GSE1: variants seen among roughly 807,000 people sequenced by gnomAD.
The protein encoded by GSE1 is Gse1 coiled-coil protein.
Under a neutral mutation model 112.6 loss-of-function variants are expected in GSE1, and 32 were observed. The observed-to-expected ratio is 0.28, with a 90% CI of 0.21 to 0.38. The LOEUF is 0.38. Ranked by LOEUF, GSE1 falls within the 10% of genes least tolerant of loss-of-function variation. GSE1 has a pLI of 1.00. For synonymous variants in GSE1, 1,115 were observed against 735.6 expected (o/e 1.52, Z -8.35); for missense variants, 2,348 against 1,699.2 (o/e 1.38, Z -6.71).
At chr16:85,478,983 CCTTCCTTCCTT>C (rs2050587599) in intron 2 of GSE1, among the ~76,000 whole-genome samples, 1 of 129,260 alleles carries the variant, frequency 7.7e-6, no homozygotes, top group African/African-American at 3.1e-5. Context: ...TTCCTTCCTT[CCTTCCTTCCTT>C]CTTTCCCTCC....
chr16:85,368,688 G>C (rs2047235505), intron 2 of GSE1, among the ~76,000 whole-genome samples: 1 of 152,194 alleles, frequency 6.6e-6, no homozygotes, highest in Admixed American at 6.5e-5. Flanking sequence ...CTGAGTGACA[G>C]AGTGAGACCC....
At chr16:85,308,017 G>A (rs987344839) in intron 1 of GSE1, among the ~76,000 whole-genome samples, 2 of 152,210 alleles carry the variant, frequency 1.3e-5, no homozygotes, top group African/African-American at 4.8e-5. Context: ...ATTTCCCTCC[G>A]GGGGCTGTGC....
upstream of GSE1, among the ~76,000 whole-genome samples, chr16:85,610,809 C>T (rs1337219380): frequency 6.6e-6 from 1 of 152,222 alleles, no homozygotes; most frequent in Non-Finnish European, 1.5e-5. Flanking sequence ...TGCACATGAT[C>T]TTGAGCAACT....
intron 1 of GSE1, among the ~76,000 whole-genome samples, chr16:85,219,525 G>C (rs2075357211): frequency 6.6e-6 from 1 of 152,074 alleles, no homozygotes; most frequent in Admixed American, 6.5e-5. Context: ...GGACCACCTT[G>C]CACTCTCTAG....
At chr16:85,569,043 G>A (rs1398793176) in intron 1 of GSE1, among the ~76,000 whole-genome samples, 1 of 152,200 alleles carries the variant, frequency 6.6e-6, no homozygotes, top group East Asian at 1.9e-4. Context: ...TTTCTGGGTG[G>A]CATGCAACGG....
intron 1 of GSE1, among the ~76,000 whole-genome samples, chr16:85,587,178 C>T (rs989507988): frequency 6.6e-6 from 1 of 150,692 alleles, no homozygotes; most frequent in Non-Finnish European, 1.5e-5. Context: ...ACCCCCCCCC[C>T]CCCAGACCAG....
At chr16:85,552,717 A>G (rs1036721510), upstream of GSE1, among the ~76,000 whole-genome samples, 3 of 152,090 alleles carry the variant, frequency 2.0e-5, no homozygotes, top group South Asian at 2.1e-4. Context: ...CCCTTTCCCA[A>G]TCTCCACAGG....
chr16:85,179,869 G>A (rs1169414316), intron 1 of GSE1, among the ~76,000 whole-genome samples: 2 of 152,246 alleles, frequency 1.3e-5, no homozygotes, highest in Non-Finnish European at 2.9e-5. Context: ...ACTCACAGCA[G>A]CCTTGGGCAA....
At chr16:85,313,918 CTGTGTGTGTGTGTG>C (rs10676246) in intron 1 of GSE1, among the ~76,000 whole-genome samples, 1 of 149,178 alleles carries the variant, frequency 6.7e-6, no homozygotes, top group Non-Finnish European at 1.5e-5. Flanking sequence ...GTCTGAGCCT[CTGTGTGTGTGTGTG>C]TGTGTGTGTG....
rs967474009 is a variant in GSE1 at position 85,544,397 on chromosome 16, G to A, written c.2465-89517G>A. ...TCCCCCATCAGTTCAGGCATGACCC[G>A]CTGGAGGGCAAGTAAAGGACAGCTC... On this transcript the variant is annotated intron_variant, in intron 2 of 2. Coordinates refer to the GSE1 transcript ENST00000637419. Among the ~76,000 whole-genome samples, 4 of 152,182 alleles carry A rather than the reference G, an allele frequency of 2.6e-5. No individual in the cohort carries two copies. The East Asian group carries it at 5.8e-4, about 22-fold the overall frequency.
intron 2 of GSE1, among the ~76,000 whole-genome samples, chr16:85,487,620 A>T (rs1299269354): frequency 6.6e-6 from 1 of 152,124 alleles, no homozygotes; most frequent in Non-Finnish European, 1.5e-5. Context: ...AGGCTCTCGA[A>T]TCCAGGTCCC....
intron 1 of GSE1, among the ~76,000 whole-genome samples, chr16:85,178,172 G>T (rs1035317528): frequency 5.9e-5 from 9 of 152,196 alleles, no homozygotes; most frequent in Non-Finnish European, 1.0e-4. Flanking sequence ...AGAGCCTATG[G>T]CAGGGTGAGA....
intron 1 of GSE1, 93 bp from the exon 2 acceptor site, chr16:85,633,821 C>G: frequency 1.1e-6 from 1 of 929,922 alleles, no homozygotes; most frequent in Admixed American, 2.1e-5. Context: ...TGCTCCCTGC[C>G]TGCTGCTGCT....
chr16:85,214,084 T>A (rs2075270193), intron 1 of GSE1, among the ~76,000 whole-genome samples: 1 of 152,190 alleles, frequency 6.6e-6, no homozygotes, highest in South Asian at 2.1e-4. Context: ...CCTGGCTGTT[T>A]GGAGTGCACA....
At chr16:85,454,955 G>A (rs1346628089) in intron 2 of GSE1, among the ~76,000 whole-genome samples, 1 of 152,190 alleles carries the variant, frequency 6.6e-6, no homozygotes, top group Non-Finnish European at 1.5e-5. Context: ...GTGAGGGTAT[G>A]GACAGATCTT....
At chr16:85,663,173 T>C (rs1598670758) in intron 10 of GSE1, 80 bp downstream of exon 10, 2 of 1,242,798 alleles carry the variant, frequency 1.6e-6, no homozygotes, top group South Asian at 1.2e-5. Context: ...TCCACCCCAC[T>C]GTTGCTAGGT....
chr16:85,628,848 G>A (rs528646806), intron 1 of GSE1, among the ~76,000 whole-genome samples: 37 of 152,298 alleles, frequency 2.4e-4, no homozygotes, highest in Admixed American at 5.9e-4. Context: ...GTCTGGTCTG[G>A]GACTCGCGCC....
chr16:85,654,046 C>T (rs971220644), intron 3 of GSE1, among the ~76,000 whole-genome samples: 3 of 152,130 alleles, frequency 2.0e-5, no homozygotes, highest in Admixed American at 6.5e-5. Context: ...GGGAGGGAGA[C>T]GGATCCCGAG....
At chr16:85,524,413 G>A (rs952551789) in intron 2 of GSE1, among the ~76,000 whole-genome samples, 1 of 152,168 alleles carries the variant, frequency 6.6e-6, no homozygotes, top group East Asian at 1.9e-4. Flanking sequence ...CTCAGAATGG[G>A]ATAGCAGAGA....
Sources: gnomAD v4.1 joint callset for allele counts (sites outside exome capture counted in the v4.1 genomes callset) on GRCh38, gnomAD v4.1.1 for gene constraint, MANE v1.5 for transcripts, NCBI Gene and HGNC (gene_info 2026-07-23, HGNC 2026-07-21) for gene names.